Variants in MALRD1 observed in about 807,000 individuals in gnomAD.
The protein encoded by MALRD1 is MAM and LDL-receptor class A domain-containing protein 1.
A neutral mutation model predicts 242.1 loss-of-function variants in MALRD1; 247 were observed. That is an observed-to-expected ratio of 1.02 (90% CI 0.92 to 1.13). The LOEUF (loss-of-function observed/expected upper bound fraction) is 1.13. Among genes scored for constraint, MALRD1 ranks in the 50% most tolerant of loss-of-function variants. The pLI is 0.00. For missense variants in MALRD1, 2,989 were observed against 2,533.1 expected, an observed-to-expected ratio of 1.18 and a Z score of -3.86; for synonymous variants, 995 against 866.6, an observed-to-expected ratio of 1.15 and a Z score of -2.60.
chr10:19,131,326 T>C (rs528084765), intron 8 of MALRD1, among the ~76,000 whole-genome samples: 1 of 152,262 alleles, frequency 6.6e-6, no homozygotes, highest in East Asian at 1.9e-4. Flanking sequence ...GGTTGTTTTC[T>C]TTATTTCCAG....
intron 28 of MALRD1, among the ~76,000 whole-genome samples, chr10:19,436,346 A>T (rs907318634): frequency 6.6e-6 from 1 of 152,198 alleles, no homozygotes; most frequent in Non-Finnish European, 1.5e-5. Flanking sequence ...TGATCTAAAT[A>T]CAATTTTATA....
Position 19,179,112 on chromosome 10 carries a change from C to T in MALRD1, c.1951+3784C>T, listed in dbSNP as rs891537896. On this transcript the variant is annotated intron_variant, in intron 14 of 39. Coordinates refer to ENST00000454679, the MANE Select transcript of MALRD1 (RefSeq NM_001142308.3). ...TCAAAACACAAGAGCAAGGATGTAT[C>T]TAGCCAGTCATAGAAAAATAAGTAA... Among the ~76,000 whole-genome samples the T allele has an allele frequency of 2.6e-5, 4 of 152,172 alleles. No individual in the cohort carries two copies. In the East Asian group the frequency reaches 7.7e-4, roughly 29 times the overall value.
intron 36 of MALRD1, among the ~76,000 whole-genome samples, chr10:19,687,647 C>T (rs1842631421): frequency 6.6e-6 from 1 of 152,186 alleles, no homozygotes; most frequent in African/African-American, 2.4e-5. Flanking sequence ...CTTGCTTTAT[C>T]CCTTCAGGAT....
intron 5 of MALRD1, among the ~76,000 whole-genome samples, chr10:19,109,798 G>T (rs76716081): frequency 0.026 from 3,989 of 152,268 alleles, 167 homozygotes; most frequent in African/African-American, 0.092. Flanking sequence ...GGAAGAGAAG[G>T]CACAATGTGC....
chr10:19,329,883 T>G (rs1843291689), intron 23 of MALRD1, among the ~76,000 whole-genome samples: 1 of 152,206 alleles, frequency 6.6e-6, no homozygotes. Context: ...TTTGATTATT[T>G]GAACAAGGCA....
intron 18 of MALRD1, among the ~76,000 whole-genome samples, chr10:19,221,762 ATAT>A (rs1355195912): frequency 6.6e-6 from 1 of 152,144 alleles, no homozygotes; most frequent in Non-Finnish European, 1.5e-5. Flanking sequence ...TTACAGTAGA[ATAT>A]TATTATGGGT....
chr10:19,489,128 G>C (rs1256888059), intron 29 of MALRD1: 4 of 465,896 alleles, frequency 8.6e-6, no homozygotes, highest in Admixed American at 4.7e-5. Context: ...TCTGCTGAAG[G>C]GGCCGCCACA....
chr10:19,417,551 C>T (rs534421626), intron 28 of MALRD1, among the ~76,000 whole-genome samples: 42 of 152,172 alleles, frequency 2.8e-4, no homozygotes, highest in Non-Finnish European at 4.7e-4. Context: ...AAATTTGTTG[C>T]ACAGCTTTAG....
At chr10:19,465,668 C>T (rs1019810956) in intron 29 of MALRD1, among the ~76,000 whole-genome samples, 2 of 152,132 alleles carry the variant, frequency 1.3e-5, no homozygotes, top group Non-Finnish European at 2.9e-5. Flanking sequence ...GTAGCCATGA[C>T]CACAGGTGCA....
chr10:19,240,648 T>G (rs1448991854), intron 18 of MALRD1, among the ~76,000 whole-genome samples: 1 of 152,066 alleles, frequency 6.6e-6, no homozygotes, highest in African/African-American at 2.4e-5. Context: ...TTCCTCCATA[T>G]CATAGAGGAA....
intron 35 of MALRD1, among the ~76,000 whole-genome samples, chr10:19,612,592 G>T (rs4748604): frequency 0.69 from 104,230 of 151,444 alleles, 39,633 homozygotes; most frequent in Non-Finnish European, 0.83. Context: ...CTGCTATAAA[G>T]ACATACCTGA....
chr10:19,222,278 T>C (rs1837591564), intron 18 of MALRD1, among the ~76,000 whole-genome samples: 1 of 152,074 alleles, frequency 6.6e-6, no homozygotes, highest in South Asian at 2.1e-4. Flanking sequence ...TGACTAGATT[T>C]GGTAGAATTG....
At position 19,124,674 on chromosome 10, in the gene MALRD1, G is replaced by GAA; in HGVS notation, c.943+12_943+13dup. 1 of 1,224,848 alleles carries GAA rather than the reference G, an allele frequency of 8.2e-7. No homozygotes were observed. Among genetic ancestry groups the GAA allele is most frequent in the Non-Finnish European group, 1.0e-6 (1 of 981,908 alleles). 75.9% of individuals were successfully genotyped at this position (1,224,848 alleles called of 1,614,324 possible). On this transcript the variant is annotated splice_donor_region_variant and intron_variant, in intron 7 of 39. Coordinates refer to ENST00000454679, the MANE Select transcript of MALRD1 (RefSeq NM_001142308.3). Reference sequence around the variant, plus strand: ...GATCAAGGAGGTGATGATGAAGGTAGAAAAAAAAATAATATCTTTTATGTA... The same window carrying GAA: ...GATCAAGGAGGTGATGATGAAGGTAGAAAAAAAAAAATAATATCTTTTATGTA...
At chr10:19,289,262 T>C (rs1841291499) in intron 21 of MALRD1, among the ~76,000 whole-genome samples, 1 of 152,096 alleles carries the variant, frequency 6.6e-6, no homozygotes. Context: ...AAGCAATAAT[T>C]TGTATTTCCG....
chr10:19,153,453 T>TGC (rs1412059973), intron 11 of MALRD1, among the ~76,000 whole-genome samples: 2 of 152,182 alleles, frequency 1.3e-5, no homozygotes, highest in African/African-American at 2.4e-5. Flanking sequence ...CAGTGGCTCA[T>TGC]GCCTGAAATC....
chr10:19,433,215 A>T (rs1023371627), intron 28 of MALRD1, among the ~76,000 whole-genome samples: 3 of 152,168 alleles, frequency 2.0e-5, no homozygotes, highest in African/African-American at 4.8e-5. Context: ...CTGCTCGCAG[A>T]GTGTATGGCA....
intron 22 of MALRD1, among the ~76,000 whole-genome samples, chr10:19,325,142 T>G (rs1282398320): frequency 1.3e-5 from 2 of 151,780 alleles, no homozygotes; most frequent in Non-Finnish European, 2.9e-5. Flanking sequence ...TCCCTCTATT[T>G]GTTTGCTCAT....
chr10:19,624,629 G>A (rs931457566), intron 36 of MALRD1, among the ~76,000 whole-genome samples: 5 of 151,934 alleles, frequency 3.3e-5, no homozygotes, highest in Admixed American at 1.3e-4. Flanking sequence ...ACTTTGGGAG[G>A]TCAGGGCAGG....
intron 36 of MALRD1, among the ~76,000 whole-genome samples, chr10:19,678,583 G>C (rs550568659): frequency 6.6e-6 from 1 of 152,214 alleles, no homozygotes; most frequent in East Asian, 1.9e-4. Context: ...AGATGATAGG[G>C]TTTTATAGAT....
Sources: allele counts gnomAD v4.1 joint callset (sites outside exome capture counted in the v4.1 genomes callset), GRCh38; gene constraint gnomAD v4.1.1; transcripts MANE v1.5; gene names NCBI Gene and HGNC (gene_info 2026-07-23, HGNC 2026-07-21).